VAC14: variants seen among roughly 807,000 people sequenced by gnomAD.
VAC14 encodes protein VAC14 homolog.
VAC14 carries 47 observed loss-of-function variants against 85.3 expected under a neutral mutation model. That is an observed-to-expected ratio of 0.55 (90% CI 0.44 to 0.70). The LOEUF is 0.70. Among genes scored for constraint, VAC14 ranks in the 30% least tolerant of loss-of-function variants. The pLI, the probability that VAC14 is intolerant of heterozygous loss-of-function variation, is 0.00. For missense variants in VAC14, 861 were observed against 1,004.3 expected, an observed-to-expected ratio of 0.86 and a Z score of 1.93; for synonymous variants, 447 against 430.5, an observed-to-expected ratio of 1.04 and a Z score of -0.47.
chr16:70,780,400 T>A (rs1429232438), intron 9 of VAC14, among the ~76,000 whole-genome samples: 1 of 152,072 alleles, frequency 6.6e-6, no homozygotes, highest in African/African-American at 2.4e-5. Flanking sequence ...GCCCCCTGAA[T>A]CCTGGTACTC....
At chr16:70,768,057 G>C (rs943859328) in intron 10 of VAC14, among the ~76,000 whole-genome samples, 1 of 152,018 alleles carries the variant, frequency 6.6e-6, no homozygotes, top group African/African-American at 2.4e-5. Context: ...GCTCATTTTT[G>C]TATGTTTTGT....
intron 13 of VAC14, among the ~76,000 whole-genome samples, chr16:70,738,392 G>A (rs1387471154): frequency 6.6e-6 from 1 of 152,226 alleles, no homozygotes; most frequent in Admixed American, 6.5e-5. Flanking sequence ...ATAGCCAGGA[G>A]ACTTTGCAGC....
At chr16:70,699,978 C>CGGAGGCCCCGAGGTCTTG (rs1362013604) in intron 14 of VAC14, 38 of 152,114 alleles carry the variant, frequency 2.5e-4, no homozygotes, top group African/African-American at 9.2e-4. Context: ...AACACGGCGT[C>CGGAGGCCCCGAGGTCTTG]GGAGGCCCCG....
chr16:70,717,369 G>A (rs2054189162), intron 14 of VAC14, among the ~76,000 whole-genome samples: 1 of 152,222 alleles, frequency 6.6e-6, no homozygotes, highest in Admixed American at 6.5e-5. Flanking sequence ...GAGGACAGGA[G>A]GTGGCCTGAG....
At chr16:70,786,452 T>A (rs937501610) in intron 1 of VAC14, 87 bp from the exon 2 acceptor site, 2 of 1,536,596 alleles carry the variant, frequency 1.3e-6, no homozygotes, top group Non-Finnish European at 1.8e-6. Flanking sequence ...GGAAGGGAGA[T>A]GACCTGTTTG....
At chr16:70,693,583 G>T (rs1450148119) in intron 17 of VAC14, among the ~76,000 whole-genome samples, 1 of 152,208 alleles carries the variant, frequency 6.6e-6, no homozygotes, top group African/African-American at 2.4e-5. Context: ...CCTGGCGGGG[G>T]AAAGAGATGC....
In VAC14 at chr16:70,695,103, C is replaced by G. The variant is rs573801453; in HGVS notation, c.2035+441G>C. On this transcript the variant is annotated intron_variant, in intron 17 of 18. Coordinates refer to ENST00000261776, the MANE Select transcript of VAC14 (RefSeq NM_018052.5). ...CTGGCTGGCCTTGCAGGCCTATCAT[C>G]CCAGTCTTTTTTTTTTTTTTTTTTC... Among the ~76,000 whole-genome samples, 4 of 148,614 alleles carry G rather than the reference C, an allele frequency of 2.7e-5. No homozygotes were observed. The East Asian group carries it at 7.8e-4, about 29-fold the overall frequency.
chr16:70,725,996 G>A (rs1371821483), intron 14 of VAC14, among the ~76,000 whole-genome samples: 1 of 152,268 alleles, frequency 6.6e-6, no homozygotes, highest in Non-Finnish European at 1.5e-5. Flanking sequence ...GCCAAAGCGC[G>A]GCTGGCCGGA....
At chr16:70,750,005 G>A (rs1009253499) in intron 12 of VAC14, among the ~76,000 whole-genome samples, 1 of 152,222 alleles carries the variant, frequency 6.6e-6, no homozygotes, top group African/African-American at 2.4e-5. Flanking sequence ...CTCTGTGCTG[G>A]GCCAGAGTTT....
chr16:70,783,373 G>A, intron 6 of VAC14, 72 bp downstream of exon 6: 1 of 1,495,382 alleles, frequency 6.7e-7, no homozygotes, highest in South Asian at 1.1e-5. Flanking sequence ...CGGCCTCTCT[G>A]TGGGCATGAA....
At chr16:70,765,969 G>A (rs909869110) in intron 10 of VAC14, among the ~76,000 whole-genome samples, 2 of 151,908 alleles carry the variant, frequency 1.3e-5, no homozygotes, top group African/African-American at 2.4e-5. Context: ...CTGTCTCTGT[G>A]AAAAATTTAA....
At chr16:70,725,667 G>C (rs2054406780) in intron 14 of VAC14, among the ~76,000 whole-genome samples, 1 of 152,240 alleles carries the variant, frequency 6.6e-6, no homozygotes, top group Non-Finnish European at 1.5e-5. Context: ...GTCTGTAGCA[G>C]AGGTGAGAGG....
intron 12 of VAC14, among the ~76,000 whole-genome samples, chr16:70,753,652 G>A (rs1445560130): frequency 6.6e-6 from 1 of 152,178 alleles, no homozygotes; most frequent in Non-Finnish European, 1.5e-5. Context: ...GGAAGCATGT[G>A]AAAAATACCA....
chr16:70,738,069 G>T (rs562609483), intron 13 of VAC14, among the ~76,000 whole-genome samples: 7 of 152,314 alleles, frequency 4.6e-5, no homozygotes, highest in African/African-American at 1.7e-4. Flanking sequence ...AACCAGGCAG[G>T]GCTAAAGAGC....
chr16:70,744,259 C>T (rs899187428), intron 13 of VAC14, among the ~76,000 whole-genome samples, 164 bp downstream of exon 13: 17 of 152,128 alleles, frequency 1.1e-4, no homozygotes, highest in African/African-American at 1.7e-4. Flanking sequence ...TGCCTCTGGG[C>T]GGTCTTGAGG....
In VAC14 at chr16:70,762,415, G is replaced by A. The variant is rs1490180454; in HGVS notation, c.1371+125C>T. On this transcript the variant is annotated intron_variant, in intron 12 of 18. Coordinates refer to ENST00000261776, the MANE Select transcript of VAC14 (RefSeq NM_018052.5). This position sits in a 1 kb window ranked among gnomAD's most constrained non-coding sequence, Gnocchi z 4.1. ...GAGCCACTGCACCTGGCCCCAAAGT[G>A]AGTATTAAACACAGCTTTACCTCTA... 1.2e-5 allele frequency: 12 copies of A among 1,015,814 alleles called. No homozygotes were observed. Among genetic ancestry groups the A allele is most frequent in the Non-Finnish European group, 1.6e-5 (11 of 669,454 alleles). The allele number at this position is 1,015,814 out of a possible 1,614,324, so 62.9% of individuals were successfully genotyped here.
chr16:70,720,077 G>A (rs2054252432), intron 14 of VAC14, among the ~76,000 whole-genome samples: 1 of 152,182 alleles, frequency 6.6e-6, no homozygotes, highest in South Asian at 2.1e-4. Context: ...AAGAAGCCAG[G>A]CTTTGTGAAA....
Position 70,762,753 on chromosome 16 carries a change from G to A in VAC14, c.1305+128C>T. 2 of 1,519,656 alleles carry A rather than the reference G, an allele frequency of 1.3e-6. No homozygotes were observed. The highest frequency in any genetic ancestry group is 1.8e-6 in the Non-Finnish European group (2 of 1,114,026). 94.1% of individuals were successfully genotyped at this position (1,519,656 alleles called of 1,614,324 possible). A position where few individuals can be genotyped will look rare whatever the true frequency, so the allele number is the denominator to read the frequency against. ...ACAATGAGGGCTCCTCGCAGCACCT[G>A]TCACTTCTCTGCCGGCCAGGGTTTC... On this transcript the variant is annotated intron_variant, in intron 11 of 18. Transcript: ENST00000261776. This position sits in a 1 kb window ranked among gnomAD's most constrained non-coding sequence, Gnocchi z 4.1.
chr16:70,713,381 C>T (rs2054078889), intron 14 of VAC14, among the ~76,000 whole-genome samples: 1 of 152,238 alleles, frequency 6.6e-6, no homozygotes, highest in Admixed American at 6.5e-5. Context: ...CACAGTTCCG[C>T]CCTGAAGACC....
Sources: allele counts gnomAD v4.1 joint callset (sites outside exome capture counted in the v4.1 genomes callset), GRCh38; gene constraint gnomAD v4.1.1; non-coding constraint Gnocchi (gnomAD v3.1); transcripts MANE v1.5; gene names NCBI Gene and HGNC (gene_info 2026-07-23, HGNC 2026-07-21).